The following IGSF21 variants were observed in gnomAD, a reference collection of about 807,000 sequenced individuals.
The protein encoded by IGSF21 is immunoglobin superfamily member 21, also known as immunoglobulin superfamily member 21.
In IGSF21, 28 loss-of-function variants were observed where a neutral mutation model predicts 46.8. That is an observed-to-expected ratio of 0.60 (90% CI 0.44 to 0.82). The LOEUF (loss-of-function observed/expected upper bound fraction) is 0.82. IGSF21 is among the 40% of genes least tolerant of loss of function. The pLI is 0.00. For missense variants in IGSF21, 624 were observed against 665.5 expected, an observed-to-expected ratio of 0.94 and a Z score of 0.69; for synonymous variants, 284 against 273.6, an observed-to-expected ratio of 1.04 and a Z score of -0.38.
At chr1:18,273,462 C>CTTCTT (rs1553159595) in intron 2 of IGSF21, among the ~76,000 whole-genome samples, 1 of 61,954 alleles carries the variant, frequency 1.6e-5, no homozygotes, top group Non-Finnish European at 2.9e-5. Flanking sequence ...TTCTTTCTCT[C>CTTCTT]TCTTTCTTTC....
chr1:18,354,651 T>C (rs935489116), intron 4 of IGSF21, among the ~76,000 whole-genome samples: 3 of 151,948 alleles, frequency 2.0e-5, no homozygotes, highest in African/African-American at 7.3e-5. Context: ...GCCTAATTGA[T>C]TACCACCCCA....
chr1:18,180,091 T>A (rs967583244), intron 1 of IGSF21, among the ~76,000 whole-genome samples: 3 of 152,188 alleles, frequency 2.0e-5, no homozygotes, highest in Non-Finnish European at 2.9e-5. Context: ...TCTACTCCCT[T>A]TATCCACTGT....
At chr1:18,377,068 AG>A in intron 8 of IGSF21, 76 bp downstream of exon 8, 3 of 1,477,808 alleles carry the variant, frequency 2.0e-6, no homozygotes, top group Non-Finnish European at 9.0e-7. Context: ...CCCAGGAGGA[AG>A]AAGCAGTAGG....
At chr1:18,339,037 C>A (rs2124609947) in intron 4 of IGSF21, among the ~76,000 whole-genome samples, 1 of 152,364 alleles carries the variant, frequency 6.6e-6, no homozygotes. Flanking sequence ...CAGGGTTTCT[C>A]TGCCACCGAG....
intron 3 of IGSF21, among the ~76,000 whole-genome samples, chr1:18,318,493 T>C (rs1413197170): frequency 6.7e-6 from 1 of 148,390 alleles, no homozygotes; most frequent in Non-Finnish European, 1.5e-5. Context: ...TGTGTGTGCG[T>C]GCGTTTGGCA....
At chr1:18,268,739 T>A (rs2085014129) in intron 2 of IGSF21, among the ~76,000 whole-genome samples, 1 of 152,096 alleles carries the variant, frequency 6.6e-6, no homozygotes, top group Non-Finnish European at 1.5e-5. Context: ...GCGGGAGGAA[T>A]CATGCATGTA....
At chr1:18,227,872 C>T in intron 1 of IGSF21, 26 bp from the exon 2 acceptor site, 1 of 1,571,006 alleles carries the variant, frequency 6.4e-7, no homozygotes, top group South Asian at 1.1e-5. Flanking sequence ...CGTGCCCTTA[C>T]CACCCCTTTC....
intron 3 of IGSF21, among the ~76,000 whole-genome samples, chr1:18,316,043 G>A (rs940043341): frequency 2.6e-5 from 4 of 152,118 alleles, no homozygotes; most frequent in South Asian, 4.1e-4. Context: ...AGGTATTCCC[G>A]CTTGACTCTC....
At chr1:18,331,573 G>A (rs144330350) in intron 3 of IGSF21, among the ~76,000 whole-genome samples, 7 of 152,292 alleles carry the variant, frequency 4.6e-5, no homozygotes, top group South Asian at 2.1e-4. Flanking sequence ...ATAAACATGC[G>A]TGTGCAAGTA....
intron 4 of IGSF21, among the ~76,000 whole-genome samples, chr1:18,352,081 G>C (rs1272959506): frequency 6.6e-6 from 1 of 152,188 alleles, no homozygotes; most frequent in Non-Finnish European, 1.5e-5. Context: ...TTGGGGATTT[G>C]AAGTCCTTTG....
chr1:18,156,779 G>A (rs568021004), intron 1 of IGSF21, among the ~76,000 whole-genome samples: 22 of 152,326 alleles, frequency 1.4e-4, no homozygotes, highest in African/African-American at 4.3e-4. Context: ...GCAGGTGACC[G>A]GGCAGGGTGC....
chr1:18,352,670 C>T (rs1027861107), intron 4 of IGSF21, among the ~76,000 whole-genome samples: 16 of 152,194 alleles, frequency 1.1e-4, no homozygotes, highest in Non-Finnish European at 2.9e-5. Context: ...CCGCTCTGCC[C>T]GGCTTCACTG....
At chr1:18,239,074 GCTA>G (rs34947214) in intron 2 of IGSF21, among the ~76,000 whole-genome samples, 146,420 of 152,048 alleles carry the variant, frequency 0.96, 70,694 homozygotes, top group East Asian at 1. Context: ...CCTGGCCTGA[GCTA>G]CTACTGTTGG....
At chr1:18,364,003 G>A (rs1214499849) in intron 5 of IGSF21, among the ~76,000 whole-genome samples, 1 of 152,060 alleles carries the variant, frequency 6.6e-6, no homozygotes. Flanking sequence ...CAGGAAAGCT[G>A]TTTTTTTCTC....
intron 4 of IGSF21, among the ~76,000 whole-genome samples, chr1:18,355,189 T>C (rs2086002653): frequency 2.0e-5 from 3 of 152,182 alleles, no homozygotes; most frequent in South Asian, 4.1e-4. Context: ...ACTCACAGTT[T>C]GACACAGGTT....
intron 1 of IGSF21, among the ~76,000 whole-genome samples, chr1:18,177,899 C>T (rs765725305): frequency 9.2e-5 from 14 of 151,994 alleles, no homozygotes; most frequent in South Asian, 4.2e-4. Flanking sequence ...GATGAAGAGG[C>T]GCTGAGATTG....
intron 4 of IGSF21, among the ~76,000 whole-genome samples, chr1:18,346,879 A>G (rs1214275147): frequency 3.3e-5 from 5 of 152,022 alleles, no homozygotes. Context: ...CCTGAGCTGG[A>G]TGTGAGCATG....
At chr1:18,302,452 C>T (rs910540023) in intron 3 of IGSF21, among the ~76,000 whole-genome samples, 1 of 152,204 alleles carries the variant, frequency 6.6e-6, no homozygotes, top group African/African-American at 2.4e-5. Flanking sequence ...CTCTCTCCAC[C>T]TCCTGTTACT....
intron 1 of IGSF21, among the ~76,000 whole-genome samples, chr1:18,195,663 G>C (rs114717543): frequency 1.1e-3 from 160 of 152,322 alleles, no homozygotes; most frequent in African/African-American, 3.8e-3. Context: ...ACCAGGGCTT[G>C]CTCTTTTCTC....
Sources: gnomAD v4.1 joint callset for allele counts (sites outside exome capture counted in the v4.1 genomes callset) on GRCh38, gnomAD v4.1.1 for gene constraint, MANE v1.5 for transcripts, NCBI Gene and HGNC (gene_info 2026-07-23, HGNC 2026-07-21) for gene names.